The following PAPPA variants were observed in gnomAD, a reference collection of about 807,000 sequenced individuals.
PAPPA encodes the protein pappalysin 1.
A neutral mutation model predicts 164.0 loss-of-function variants in PAPPA; 60 were observed. The ratio of observed to expected loss-of-function variants is 0.37; its 90% CI spans 0.30 to 0.45. PAPPA has a LOEUF of 0.45. Among genes scored for constraint, PAPPA ranks in the 20% least tolerant of loss-of-function variants. The probability of loss-of-function intolerance (pLI) is 1.00; values close to 1 mark genes in which losing one functional copy is unlikely to be tolerated. For missense variants in PAPPA, 1,782 were observed against 2,087.3 expected, an observed-to-expected ratio of 0.85 and a Z score of 2.85; for synonymous variants, 875 against 814.1, an observed-to-expected ratio of 1.07 and a Z score of -1.27.
rs570186779 is a variant in PAPPA, at chr9:116,188,185, C to G, written c.1447C>G (p.Gln483Glu). ...CCDPEITNVT[Q>E]TCFDPDSPHR... Reference sequence around the variant, plus strand: ...TGACCCTGAAATCACCAATGTCACTCAGACTTGCTTTGACCCCGACTCTCC... The same window carrying G: ...TGACCCTGAAATCACCAATGTCACTGAGACTTGCTTTGACCCCGACTCTCC... Residue 483 changes from glutamine (Q) to glutamate (E), a missense_variant, in exon 2 of 22, where the codon CAG becomes GAG. By Grantham distance (29) the Gln-to-Glu change is conservative. This residue lies in a region of PAPPA where 1,324 missense variants were observed against 1,656.9 expected (regional missense o/e 0.80). Coordinates refer to ENST00000328252, the MANE Select transcript of PAPPA (RefSeq NM_002581.5). 1.2e-6 allele frequency: 2 copies of G among 1,612,972 alleles called. No homozygotes were observed. The highest frequency in any genetic ancestry group is 2.2e-5 in the East Asian group (1 of 44,800).
intron 21 of PAPPA, among the ~76,000 whole-genome samples, chr9:116,384,144 C>T (rs902443121): frequency 2.6e-5 from 4 of 151,926 alleles, no homozygotes; most frequent in Non-Finnish European, 5.9e-5. Flanking sequence ...GAATTACTTG[C>T]GCTGAGCACA....
chr9:116,157,687 C>A (rs1843619923), intron 1 of PAPPA, among the ~76,000 whole-genome samples: 1 of 152,124 alleles, frequency 6.6e-6, no homozygotes, highest in Non-Finnish European at 1.5e-5. Context: ...GCCTTGCCCC[C>A]TGCACCGCTG....
intron 1 of PAPPA, among the ~76,000 whole-genome samples, chr9:116,156,318 GTGTA>G (rs1843602364): frequency 2.1e-5 from 2 of 95,106 alleles, no homozygotes; most frequent in South Asian, 2.8e-4. Flanking sequence ...ATATATATGT[GTGTA>G]TATATATATG....
chr9:116,185,013 A>G (rs1843952918), intron 1 of PAPPA, among the ~76,000 whole-genome samples: 1 of 152,184 alleles, frequency 6.6e-6, no homozygotes, highest in Admixed American at 6.5e-5. Context: ...AAGTTTCCTA[A>G]AAGTAAAAAG....
At chr9:116,178,008 T>C (rs1843857423) in intron 1 of PAPPA, among the ~76,000 whole-genome samples, 1 of 152,170 alleles carries the variant, frequency 6.6e-6, no homozygotes, top group African/African-American at 2.4e-5. Context: ...CAGAGAACAG[T>C]GTCAGAAAGG....
chr9:116,166,457 G>A (rs1326973353), intron 1 of PAPPA, among the ~76,000 whole-genome samples: 1 of 152,126 alleles, frequency 6.6e-6, no homozygotes, highest in Non-Finnish European at 1.5e-5. Flanking sequence ...AGTCATATCT[G>A]TTGCTTCAGT....
intron 9 of PAPPA, among the ~76,000 whole-genome samples, chr9:116,276,662 C>T (rs1029613443): frequency 2.0e-5 from 3 of 152,212 alleles, no homozygotes; most frequent in African/African-American, 4.8e-5. Context: ...ACCCCCACGT[C>T]GTCTTTCCCA....
intron 18 of PAPPA, among the ~76,000 whole-genome samples, chr9:116,364,010 A>T (rs905209906): frequency 1.3e-5 from 2 of 152,226 alleles, no homozygotes; most frequent in Non-Finnish European, 2.9e-5. Context: ...TTATACAGCC[A>T]CCAATTCATG....
intron 1 of PAPPA, among the ~76,000 whole-genome samples, chr9:116,162,067 A>G (rs1008013434): frequency 4.0e-5 from 6 of 150,704 alleles, no homozygotes; most frequent in Middle Eastern, 3.4e-3. Flanking sequence ...CTCTCTGTAC[A>G]CTTGCAAACT....
chr9:116,352,643 A>C (rs1846297362), intron 15 of PAPPA, 63 bp from the exon 16 acceptor site: 1 of 1,296,530 alleles, frequency 7.7e-7, no homozygotes, highest in African/African-American at 1.5e-5. Context: ...CCAAGTAGCT[A>C]TACATTAGCT....
intron 5 of PAPPA, among the ~76,000 whole-genome samples, chr9:116,225,498 G>C (rs943077732): frequency 3.3e-5 from 5 of 152,148 alleles, no homozygotes; most frequent in Admixed American, 3.3e-4. Context: ...TTTGAACATT[G>C]AGATATTGCT....
At chr9:116,240,624 C>T (rs928660855) in intron 7 of PAPPA, among the ~76,000 whole-genome samples, 6 of 152,184 alleles carry the variant, frequency 3.9e-5, no homozygotes, top group African/African-American at 7.2e-5. Context: ...AGGGACTTTA[C>T]ATAGATAATC....
chr9:116,161,709 G>GAA (rs57639944), intron 1 of PAPPA, among the ~76,000 whole-genome samples: 10 of 103,058 alleles, frequency 9.7e-5, no homozygotes, highest in South Asian at 3.6e-4. Flanking sequence ...AAAAGCTCCA[G>GAA]AAAAAAAAAA....
intron 18 of PAPPA, 111 bp downstream of exon 18, chr9:116,362,850 G>A (rs966647561): frequency 4.9e-6 from 5 of 1,015,358 alleles, no homozygotes; most frequent in South Asian, 1.7e-5. Context: ...TCCTGCGTAG[G>A]CACTACAGAA....
At chr9:116,195,268 CT>C (rs1179294322) in intron 2 of PAPPA, among the ~76,000 whole-genome samples, 2 of 152,108 alleles carry the variant, frequency 1.3e-5, no homozygotes, top group Non-Finnish European at 2.9e-5. Flanking sequence ...CAAAGTCCAC[CT>C]TTACTCACAA....
chr9:116,352,457 G>C (rs1193968027), intron 15 of PAPPA, among the ~76,000 whole-genome samples: 1 of 152,202 alleles, frequency 6.6e-6, no homozygotes, highest in African/African-American at 2.4e-5. Context: ...CTCAGGATCA[G>C]AAGTCAGAAG....
chr9:116,310,079 T>C (rs1179669805), intron 10 of PAPPA, among the ~76,000 whole-genome samples: 1 of 152,196 alleles, frequency 6.6e-6, no homozygotes, highest in Non-Finnish European at 1.5e-5. Flanking sequence ...AAATTCTGCA[T>C]TGATAAGCAA....
intron 10 of PAPPA, among the ~76,000 whole-genome samples, chr9:116,319,711 T>C (rs1347493287): frequency 6.6e-6 from 1 of 152,136 alleles, no homozygotes; most frequent in East Asian, 1.9e-4. Context: ...GAATAGGAGA[T>C]AGAACTGAAG....
chr9:116,278,032 C>T (rs1845222424), intron 9 of PAPPA, among the ~76,000 whole-genome samples: 1 of 152,280 alleles, frequency 6.6e-6, no homozygotes, highest in Non-Finnish European at 1.5e-5. Context: ...ATAATGTTAT[C>T]CCCGTTTTGT....
Sources: gnomAD v4.1 joint callset for allele counts (sites outside exome capture counted in the v4.1 genomes callset) on GRCh38, gnomAD v4.1.1 for gene constraint, gnomAD v4.1.1 regional missense constraint, MANE v1.5 for transcripts, NCBI Gene and HGNC (gene_info 2026-07-23, HGNC 2026-07-21) for gene names.